Variants in STARD13 observed in about 807,000 individuals in gnomAD.
The protein encoded by STARD13 is stAR-related lipid transfer protein 13.
Under a neutral mutation model 106.4 loss-of-function variants are expected in STARD13, and 62 were observed. The ratio of observed to expected loss-of-function variants is 0.58; its 90% CI spans 0.48 to 0.72. The LOEUF is 0.72. Ranked by LOEUF, STARD13 falls within the 30% of genes least tolerant of loss-of-function variation. STARD13 has a pLI of 0.00. For synonymous variants in STARD13, 565 were observed against 553.0 expected (o/e 1.02, Z -0.31); for missense variants, 1,387 against 1,424.0 (o/e 0.97, Z 0.42).
In STARD13 at chr13:33,142,365, T is replaced by C. The variant is rs747779384; in HGVS notation, c.332A>G (p.Asn111Ser). ...DLVEPLCRRL[N>S]TLNKCASMKL... ...CATTGAGGCACACTTGTTCAACGTA[T>C]TTAGTCGTCTAAAAGGAAAGAAAAA... The change falls in exon 4 of 14, where the codon AAT becomes AGT. Residue 111 changes from asparagine (N) to serine (S), a missense_variant. Coordinates refer to ENST00000336934, the MANE Select transcript of STARD13 (RefSeq NM_178006.4). The C allele has an allele frequency of 1.1e-5, 17 of 1,613,746 alleles. No homozygotes were observed. The highest frequency in any genetic ancestry group is 8.5e-7 in the Non-Finnish European group (1 of 1,179,822).
chr13:33,240,313 G>A (rs1184017120), intron 1 of STARD13, among the ~76,000 whole-genome samples: 1 of 152,128 alleles, frequency 6.6e-6, no homozygotes, highest in African/African-American at 2.4e-5. Context: ...AAATCAGGAA[G>A]TATGAAGCCT....
chr13:33,178,575 A>G (rs1884935454), intron 1 of STARD13, among the ~76,000 whole-genome samples: 1 of 152,262 alleles, frequency 6.6e-6, no homozygotes, highest in Non-Finnish European at 1.5e-5. Flanking sequence ...AACTGTGTTT[A>G]AATGATGCTA....
At chr13:33,125,984 G>T in intron 7 of STARD13, 97 bp downstream of exon 7, 1 of 1,363,906 alleles carries the variant, frequency 7.3e-7, no homozygotes. Context: ...GGCATGTCTT[G>T]CCTGATATTG....
chr13:33,289,606 C>T (rs750631495), upstream of STARD13, among the ~76,000 whole-genome samples: 7 of 152,000 alleles, frequency 4.6e-5, no homozygotes, highest in East Asian at 1.9e-4. Context: ...AAAGGCACTC[C>T]GGAAATTGGA....
chr13:33,657,263 G>A, the STARD13 span, among the ~76,000 whole-genome samples: 4 of 142,952 alleles, frequency 2.8e-5, no homozygotes, highest in Admixed American at 1.5e-4. Flanking sequence ...GTGAGACTCC[G>A]TCTCAAACAA....
chr13:33,449,031 A>C, the STARD13 span, among the ~76,000 whole-genome samples: 2 of 151,524 alleles, frequency 1.3e-5, no homozygotes, highest in African/African-American at 4.8e-5. Flanking sequence ...CTCACTCTGC[A>C]TGCTGTCTCT....
chr13:33,388,969 T>TA, the STARD13 span, among the ~76,000 whole-genome samples: 1 of 151,388 alleles, frequency 6.6e-6, no homozygotes, highest in Admixed American at 6.6e-5. Flanking sequence ...TTTTTTTTTT[T>TA]TTTGAGATGA....
At chr13:33,156,026 T>TTATG (rs2138307568) in intron 3 of STARD13, among the ~76,000 whole-genome samples, 1 of 152,296 alleles carries the variant, frequency 6.6e-6, no homozygotes, top group African/African-American at 2.4e-5. Context: ...AAAACACAAA[T>TTATG]TATGCAAATG....
At chr13:33,588,028 A>G in the STARD13 span, among the ~76,000 whole-genome samples, 4 of 152,226 alleles carry the variant, frequency 2.6e-5, no homozygotes, top group Admixed American at 2.0e-4. Context: ...TTATATTTCT[A>G]TTGGACAGTC....
At chr13:33,558,537 G>A in the STARD13 span, among the ~76,000 whole-genome samples, 2 of 151,564 alleles carry the variant, frequency 1.3e-5, no homozygotes, top group South Asian at 2.1e-4. Context: ...CTATCTGTAC[G>A]GTAGAGAGAA....
At chr13:33,373,014 T>C in the STARD13 span, among the ~76,000 whole-genome samples, 335 of 152,296 alleles carry the variant, frequency 2.2e-3, 2 homozygotes, top group African/African-American at 7.8e-3. Flanking sequence ...AGTTTATTTC[T>C]TTCAGAGCTA....
the STARD13 span, among the ~76,000 whole-genome samples, chr13:33,443,576 G>A: frequency 6.6e-6 from 1 of 151,778 alleles, no homozygotes. Flanking sequence ...TTAGAACTTA[G>A]CAATATAACA....
the STARD13 span, among the ~76,000 whole-genome samples, chr13:33,633,505 C>T: frequency 6.6e-6 from 1 of 152,154 alleles, no homozygotes; most frequent in Non-Finnish European, 1.5e-5. Context: ...CGCACATTTG[C>T]CGCTAAATGT....
chr13:33,420,262 C>G, the STARD13 span, among the ~76,000 whole-genome samples: 1 of 152,108 alleles, frequency 6.6e-6, no homozygotes, highest in African/African-American at 2.4e-5. Context: ...GGAGGAAGAT[C>G]TATCAAGCAA....
chr13:33,156,973 CATA>C (rs914963891), intron 3 of STARD13, among the ~76,000 whole-genome samples: 16 of 151,906 alleles, frequency 1.1e-4, no homozygotes, highest in Non-Finnish European at 1.6e-4. Flanking sequence ...TATTATAGGA[CATA>C]ATAATTTGAA....
intron 3 of STARD13, among the ~76,000 whole-genome samples, chr13:33,155,910 A>T (rs1221188784): frequency 6.6e-6 from 1 of 152,224 alleles, no homozygotes; most frequent in East Asian, 1.9e-4. Context: ...AAAGACAGGC[A>T]GCAGCCATCC....
the STARD13 span, among the ~76,000 whole-genome samples, chr13:33,413,656 C>T: frequency 1.3e-5 from 2 of 151,990 alleles, 1 homozygote; most frequent in South Asian, 4.2e-4. Context: ...AACAAACAAA[C>T]AAACAAAATC....
chr13:33,265,571 C>CT (rs1275832997), intron 1 of STARD13, among the ~76,000 whole-genome samples: 1 of 152,106 alleles, frequency 6.6e-6, no homozygotes, highest in Admixed American at 6.5e-5. Context: ...AAATTTTACT[C>CT]TAAGAATTAT....
chr13:33,552,301 C>A, the STARD13 span, among the ~76,000 whole-genome samples: 1 of 152,158 alleles, frequency 6.6e-6, no homozygotes, highest in Non-Finnish European at 1.5e-5. Flanking sequence ...TACTGATCCA[C>A]CAACTCTATC....
Sources: gnomAD v4.1 joint callset for allele counts (sites outside exome capture counted in the v4.1 genomes callset) on GRCh38, gnomAD v4.1.1 for gene constraint, MANE v1.5 for transcripts, NCBI Gene and HGNC (gene_info 2026-07-23, HGNC 2026-07-21) for gene names.